The following CDH18 variants were observed in gnomAD, a reference collection of about 807,000 sequenced individuals.
CDH18 encodes the protein cadherin 18, also known as cadherin-18.
A neutral mutation model predicts 67.9 loss-of-function variants in CDH18; 31 were observed. The observed-to-expected ratio is 0.46, with a 90% confidence interval of 0.34 to 0.62. CDH18 has a LOEUF of 0.62. Ranked by LOEUF, CDH18 falls within the 20% of genes least tolerant of loss-of-function variation. The pLI, the probability that CDH18 is intolerant of heterozygous loss-of-function variation, is 0.01. For missense variants in CDH18, 890 were observed against 975.5 expected (o/e 0.91, Z 1.17); for synonymous variants, 362 against 347.2 (o/e 1.04, Z -0.48).
chr5:19,514,154 C>T lies in CDH18; in HGVS notation c.1512+6503G>A, dbSNP rs528283227. On this transcript the variant is annotated intron_variant, in intron 10 of 12. Transcript: ENST00000382275. ...GAATGATGGTTTCCAGCTTTATCCACGTCCCTACAAAGGACGGGAACTCAT... is the reference window on the plus strand; with the variant it reads ...GAATGATGGTTTCCAGCTTTATCCATGTCCCTACAAAGGACGGGAACTCAT... 1.9e-4 allele frequency among the ~76,000 whole-genome samples: 29 copies of T among 152,246 alleles called. No individual in the cohort carries two copies. The South Asian group carries it at 3.3e-3, about 17-fold the overall frequency.
chr5:19,783,463 G>A (rs1775357069), intron 3 of CDH18, among the ~76,000 whole-genome samples: 1 of 152,092 alleles, frequency 6.6e-6, no homozygotes, highest in Non-Finnish European at 1.5e-5. Context: ...TCAAAAGTGA[G>A]AAAAATGTGC....
intron 4 of CDH18, among the ~76,000 whole-genome samples, chr5:19,740,236 T>C (rs1768922289): frequency 1.3e-5 from 2 of 152,150 alleles, no homozygotes; most frequent in Non-Finnish European, 2.9e-5. Flanking sequence ...ATGATAGGTA[T>C]ACTAATACAC....
chr5:19,575,940 A>G (rs1742240902), intron 7 of CDH18, among the ~76,000 whole-genome samples: 1 of 152,156 alleles, frequency 6.6e-6, no homozygotes. Flanking sequence ...TCTAGGTTTA[A>G]TGTCCAGAAA....
chr5:19,748,205 A>G (rs539187020), intron 3 of CDH18, among the ~76,000 whole-genome samples: 37 of 151,050 alleles, frequency 2.4e-4, no homozygotes, highest in Admixed American at 8.0e-4. Flanking sequence ...TTTAAATAGC[A>G]GTAATATATT....
intron 8 of CDH18, among the ~76,000 whole-genome samples, chr5:19,545,789 A>T (rs1487493583): frequency 6.6e-6 from 1 of 152,224 alleles, no homozygotes; most frequent in African/African-American, 2.4e-5. Flanking sequence ...ATGTGGAATA[A>T]AAAGCAAAAG....
At chr5:19,502,206 T>C (rs1486964019) in intron 11 of CDH18, among the ~76,000 whole-genome samples, 1 of 152,178 alleles carries the variant, frequency 6.6e-6, no homozygotes, top group Non-Finnish European at 1.5e-5. Flanking sequence ...GTTTTCTGCA[T>C]GTGATTCTGA....
intron 1 of CDH18, chr5:20,305,125 T>C: frequency 6.6e-7 from 1 of 1,520,948 alleles, no homozygotes; most frequent in Non-Finnish European, 9.1e-7. Context: ...AAAGGCTACC[T>C]TGGGCTCTGC....
chr5:20,307,626 G>A (rs996125766), intron 1 of CDH18, among the ~76,000 whole-genome samples: 3 of 151,968 alleles, frequency 2.0e-5, no homozygotes, highest in African/African-American at 7.3e-5. Flanking sequence ...CCATCTGGAG[G>A]GTAAAAATTA....
intron 2 of CDH18, among the ~76,000 whole-genome samples, chr5:19,975,551 T>G (rs1406455298): frequency 6.6e-6 from 1 of 152,146 alleles, no homozygotes; most frequent in Non-Finnish European, 1.5e-5. Flanking sequence ...CACGATTTGA[T>G]TTGAGGCAAT....
chr5:20,429,196 C>T (rs758433615), intron 1 of CDH18, among the ~76,000 whole-genome samples: 9 of 152,042 alleles, frequency 5.9e-5, no homozygotes, highest in Non-Finnish European at 1.2e-4. Context: ...CCTGACTCTG[C>T]AGGTTGAGAA....
intron 1 of CDH18, among the ~76,000 whole-genome samples, chr5:20,536,403 A>T (rs1756724524): frequency 6.6e-6 from 1 of 152,152 alleles, no homozygotes; most frequent in South Asian, 2.1e-4. Flanking sequence ...GATCTGCAAT[A>T]CCAGTGAGAA....
intron 1 of CDH18, among the ~76,000 whole-genome samples, chr5:20,460,616 C>G (rs1202770228): frequency 6.7e-6 from 1 of 149,496 alleles, no homozygotes; most frequent in Admixed American, 6.6e-5. Context: ...CATCTTTGAA[C>G]AGTGAAACCT....
intron 2 of CDH18, among the ~76,000 whole-genome samples, chr5:19,860,212 C>A (rs550954480): frequency 1.3e-5 from 2 of 151,986 alleles, no homozygotes; most frequent in Non-Finnish European, 2.9e-5. Context: ...CAGTGAATAG[C>A]CTTATTTTTT....
At chr5:19,989,901 G>T (rs1477869283), upstream of CDH18, among the ~76,000 whole-genome samples, 1 of 152,156 alleles carries the variant, frequency 6.6e-6, no homozygotes, top group Non-Finnish European at 1.5e-5. Context: ...GATGTTAGAA[G>T]TCAATTAGAA....
At chr5:20,514,188 T>C (rs1755219844) in intron 1 of CDH18, among the ~76,000 whole-genome samples, 1 of 152,178 alleles carries the variant, frequency 6.6e-6, no homozygotes, top group African/African-American at 2.4e-5. Context: ...CACATTTTGT[T>C]ATTTTCCTAT....
chr5:20,313,938 C>A (rs1737232122), intron 1 of CDH18, among the ~76,000 whole-genome samples: 1 of 151,954 alleles, frequency 6.6e-6, no homozygotes, highest in South Asian at 2.1e-4. Flanking sequence ...ATACGAGTTA[C>A]ATATTTTGAC....
chr5:19,479,901 G>A (rs1561151259), intron 12 of CDH18, among the ~76,000 whole-genome samples: 1 of 152,000 alleles, frequency 6.6e-6, no homozygotes, highest in Non-Finnish European at 1.5e-5. Context: ...ATTTACAAAT[G>A]TTCTATTACT....
At chr5:19,936,544 G>C (rs1171457237) in intron 2 of CDH18, among the ~76,000 whole-genome samples, 1 of 150,750 alleles carries the variant, frequency 6.6e-6, no homozygotes, top group Non-Finnish European at 1.5e-5. Flanking sequence ...CTGTCAAATA[G>C]GTACTCTAAG....
At chr5:19,580,282 C>CCCTT (rs1165215656) in intron 7 of CDH18, among the ~76,000 whole-genome samples, 2 of 151,762 alleles carry the variant, frequency 1.3e-5, no homozygotes, top group Non-Finnish European at 3.0e-5. Flanking sequence ...TTTCACTGAC[C>CCCTT]CCTTCCCATC....
Sources: allele counts gnomAD v4.1 joint callset (sites outside exome capture counted in the v4.1 genomes callset), GRCh38; gene constraint gnomAD v4.1.1; transcripts MANE v1.5; gene names NCBI Gene and HGNC (gene_info 2026-07-23, HGNC 2026-07-21).